The following PDCD10 variants were observed in gnomAD, a reference collection of about 807,000 sequenced individuals.
The protein encoded by PDCD10 is programmed cell death protein 10.
In PDCD10, 4 loss-of-function variants were observed where a neutral mutation model predicts 29.2. The ratio of observed to expected loss-of-function variants is 0.14; its 90% CI spans 0.07 to 0.31. PDCD10 has a LOEUF of 0.31. Among genes scored for constraint, PDCD10 ranks in the 10% least tolerant of loss-of-function variants. The pLI, the probability that PDCD10 is intolerant of heterozygous loss-of-function variation, is 1.00. For missense variants in PDCD10, 183 were observed against 257.9 expected, an observed-to-expected ratio of 0.71 and a Z score of 1.99; for synonymous variants, 70 against 82.2, an observed-to-expected ratio of 0.85 and a Z score of 0.80.
rs1266537160 is a variant in PDCD10, at chr3:167,684,288, T to C, written c.*20A>G. 1.5e-6 allele frequency: 2 copies of C among 1,374,360 alleles called. No homozygotes were observed. The highest frequency in any genetic ancestry group is 2.8e-5 in the African/African-American group (2 of 70,324). The allele number at this position is 1,374,360 out of a possible 1,614,324, so 85.1% of individuals were successfully genotyped here. ...TTCAATACTGCCACTGAGAAGTACA[T>C]CTCTTAACATATACAACTTTCAGGC... On this transcript the variant is annotated 3_prime_UTR_variant, in exon 9 of 9. Transcript: ENST00000392750.
chr3:167,728,497 A>T lies in PDCD10; in HGVS notation c.-117+5717T>A, dbSNP rs1577378763. 5.3e-5 allele frequency among the ~76,000 whole-genome samples: 8 copies of T among 152,332 alleles called. 1 individual carries two copies. The South Asian group carries it at 1.7e-3, about 32-fold the overall frequency. On this transcript the variant is annotated intron_variant, in intron 2 of 8. Coordinates refer to ENST00000392750, the MANE Select transcript of PDCD10 (RefSeq NM_007217.4). ...AAGTAAGAGAGAATGACTGAATAAG[A>T]CAGGGAGACCCATTTCAGTGCCAGG...
At chr3:167,725,078 G>A (rs1303425668) in intron 2 of PDCD10, among the ~76,000 whole-genome samples, 1 of 152,028 alleles carries the variant, frequency 6.6e-6, no homozygotes, top group African/African-American at 2.4e-5. Flanking sequence ...CTAATATGGT[G>A]AAACCCCATC....
chr3:167,701,878 GAA>G (rs1721476761), intron 4 of PDCD10, among the ~76,000 whole-genome samples: 1 of 152,050 alleles, frequency 6.6e-6, no homozygotes, highest in Non-Finnish European at 1.5e-5. Flanking sequence ...CGGAAATCAT[GAA>G]AGAGATTGTA....
At position 167,724,588 on chromosome 3, in the gene PDCD10, G is replaced by C. The variant is rs968347950; in HGVS notation, c.-116-4315C>G. Among the ~76,000 whole-genome samples, 3 of 152,156 alleles carry C rather than the reference G, an allele frequency of 2.0e-5. No individual in the cohort carries two copies. In the South Asian group the frequency reaches 6.2e-4, roughly 32 times the overall value. ...ACATAACAGACACTTAATGTTTGCT[G>C]AATGACCAAATTCATGAGTTGAGAT... On this transcript the variant is annotated intron_variant, in intron 2 of 8. Coordinates refer to ENST00000392750, the MANE Select transcript of PDCD10 (RefSeq NM_007217.4).
At chr3:167,725,948 C>T (rs1267193715) in intron 2 of PDCD10, among the ~76,000 whole-genome samples, 1 of 150,764 alleles carries the variant, frequency 6.6e-6, no homozygotes, top group Non-Finnish European at 1.5e-5. Flanking sequence ...CAAGTCATTT[C>T]ACCTCTCTAT....
At chr3:167,718,768 T>C (rs980877848) in intron 3 of PDCD10, among the ~76,000 whole-genome samples, 1 of 151,394 alleles carries the variant, frequency 6.6e-6, no homozygotes. Context: ...TGAGGTGACC[T>C]TGATTGATAA....
At chr3:167,692,702 A>G (rs1043964143) in intron 6 of PDCD10, among the ~76,000 whole-genome samples, 1 of 152,194 alleles carries the variant, frequency 6.6e-6, no homozygotes, top group African/African-American at 2.4e-5. Context: ...GCGGATCACA[A>G]GGTCAAGAGA....
chr3:167,692,404 CCAT>C, intron 6 of PDCD10, among the ~76,000 whole-genome samples: 1 of 152,142 alleles, frequency 6.6e-6, no homozygotes, highest in Non-Finnish European at 1.5e-5. Flanking sequence ...TACAACCCAT[CCAT>C]CACATGAGGT....
chr3:167,698,997 A>C (rs1443714412), intron 4 of PDCD10, among the ~76,000 whole-genome samples: 1 of 152,202 alleles, frequency 6.6e-6, no homozygotes, highest in African/African-American at 2.4e-5. Context: ...TTAGGTCTAA[A>C]CAACTTAATA....
At chr3:167,706,682 G>A (rs910083269) in intron 3 of PDCD10, among the ~76,000 whole-genome samples, 3 of 152,156 alleles carry the variant, frequency 2.0e-5, no homozygotes, top group African/African-American at 4.8e-5. Context: ...GAAATGTTAT[G>A]TGCCACATGA....
intron 3 of PDCD10, among the ~76,000 whole-genome samples, chr3:167,711,498 T>C (rs1453341042): frequency 6.6e-6 from 1 of 151,968 alleles, no homozygotes; most frequent in Non-Finnish European, 1.5e-5. Flanking sequence ...AAAATAAGAA[T>C]TAAACACTCC....
intron 3 of PDCD10, among the ~76,000 whole-genome samples, chr3:167,708,930 T>C (rs1406249072): frequency 6.6e-6 from 1 of 152,154 alleles, no homozygotes; most frequent in Non-Finnish European, 1.5e-5. Flanking sequence ...CACAGAGTTG[T>C]TGAGATAGTG....
intron 4 of PDCD10, among the ~76,000 whole-genome samples, chr3:167,700,742 G>C (rs980413597): frequency 1.3e-5 from 2 of 152,156 alleles, no homozygotes; most frequent in Non-Finnish European, 2.9e-5. Context: ...AGGATAGTTT[G>C]ATAATTTTAG....
chr3:167,702,199 CCT>C (rs903427201), intron 4 of PDCD10, among the ~76,000 whole-genome samples: 2 of 152,110 alleles, frequency 1.3e-5, no homozygotes, highest in African/African-American at 4.8e-5. Flanking sequence ...AGTGTGCCTG[CCT>C]CTCTTGCCTC....
chr3:167,702,549 C>A (rs1007735944), intron 4 of PDCD10, among the ~76,000 whole-genome samples: 1 of 152,114 alleles, frequency 6.6e-6, no homozygotes, highest in African/African-American at 2.4e-5. Context: ...TTCAACTCTG[C>A]AGGGGGTCAG....
intron 2 of PDCD10, among the ~76,000 whole-genome samples, chr3:167,733,596 A>C (rs534702567): frequency 2.0e-5 from 3 of 152,310 alleles, no homozygotes; most frequent in African/African-American, 7.2e-5. Flanking sequence ...AGACGATGTT[A>C]CCTCCAAGAA....
intron 4 of PDCD10, among the ~76,000 whole-genome samples, chr3:167,704,293 T>C (rs1420232118): frequency 6.6e-6 from 1 of 152,184 alleles, no homozygotes; most frequent in Non-Finnish European, 1.5e-5. Flanking sequence ...AGCGGCATGA[T>C]CACGTCCCAC....
chr3:167,705,358 T>G (rs570977578), intron 3 of PDCD10, among the ~76,000 whole-genome samples: 39 of 152,154 alleles, frequency 2.6e-4, no homozygotes, highest in Non-Finnish European at 5.1e-4. Context: ...TTGTATATAT[T>G]TTTTACTTGG....
At chr3:167,700,642 A>T (rs892825001) in intron 4 of PDCD10, among the ~76,000 whole-genome samples, 1 of 152,166 alleles carries the variant, frequency 6.6e-6, no homozygotes, top group Non-Finnish European at 1.5e-5. Flanking sequence ...ATACCTATAG[A>T]CCCTAATATG....
Sources: gnomAD v4.1 joint callset for allele counts (sites outside exome capture counted in the v4.1 genomes callset) on GRCh38, gnomAD v4.1.1 for gene constraint, MANE v1.5 for transcripts, NCBI Gene and HGNC (gene_info 2026-07-23, HGNC 2026-07-21) for gene names.